The following CCDC91 variants were observed in gnomAD, a reference collection of about 807,000 sequenced individuals.
CCDC91 encodes coiled-coil domain containing 91, also known as coiled-coil domain-containing protein 91.
Under a neutral mutation model 63.2 loss-of-function variants are expected in CCDC91, and 48 were observed. The ratio of observed to expected loss-of-function variants is 0.76; its 90% confidence interval spans 0.60 to 0.97. The LOEUF is 0.97. Among genes scored for constraint, CCDC91 ranks in the 50% least tolerant of loss-of-function variants. The pLI is 0.00. For synonymous variants in CCDC91, 167 were observed against 165.8 expected, an observed-to-expected ratio of 1.01 and a Z score of -0.06; for missense variants, 500 against 494.6, an observed-to-expected ratio of 1.01 and a Z score of -0.10.
intron 3 of CCDC91, among the ~76,000 whole-genome samples, chr12:28,301,729 A>G (rs1211096278): frequency 3.3e-5 from 5 of 151,698 alleles, no homozygotes; most frequent in Admixed American, 1.3e-4. Flanking sequence ...TTTTTTTCAC[A>G]GAAAATTTAT....
At chr12:28,534,881 G>A (rs1942028135) in intron 12 of CCDC91, among the ~76,000 whole-genome samples, 1 of 152,134 alleles carries the variant, frequency 6.6e-6, no homozygotes, top group South Asian at 2.1e-4. Context: ...ACCCAGGCAA[G>A]GTTAGACACT....
At chr12:28,335,309 A>G (rs1172866555) in intron 6 of CCDC91, among the ~76,000 whole-genome samples, 1 of 139,654 alleles carries the variant, frequency 7.2e-6, no homozygotes, top group East Asian at 2.0e-4. Flanking sequence ...TATATAATAC[A>G]TATTATGTAT....
chr12:28,258,696 G>A (rs1321572038), intron 2 of CCDC91, among the ~76,000 whole-genome samples: 4 of 151,922 alleles, frequency 2.6e-5, no homozygotes, highest in African/African-American at 9.7e-5. Context: ...TCCTTAAGGG[G>A]TTGGCAACTC....
intron 1 of CCDC91, among the ~76,000 whole-genome samples, chr12:28,200,268 CTA>C (rs1057347300): frequency 8.2e-5 from 12 of 146,676 alleles, no homozygotes; most frequent in African/African-American, 2.8e-4. Context: ...GGTAGCTTTT[CTA>C]TGTTTCTTTT....
chr12:28,544,305 C>T (rs1375552583), intron 12 of CCDC91, among the ~76,000 whole-genome samples: 1 of 151,742 alleles, frequency 6.6e-6, no homozygotes, highest in Non-Finnish European at 1.5e-5. Flanking sequence ...TTCCAGCTAC[C>T]TTGAGAATTT....
intron 7 of CCDC91, among the ~76,000 whole-genome samples, chr12:28,383,851 A>T (rs536671788): frequency 6.6e-6 from 1 of 152,278 alleles, no homozygotes; most frequent in South Asian, 2.1e-4. Flanking sequence ...CATGTACCTC[A>T]GAGATTATTG....
At chr12:28,460,821 A>ATT (rs1003262603) in intron 11 of CCDC91, among the ~76,000 whole-genome samples, 1 of 151,770 alleles carries the variant, frequency 6.6e-6, no homozygotes, top group African/African-American at 2.4e-5. Context: ...GTATATATAT[A>ATT]TTTTTTAACT....
chr12:28,197,511 AC>A (rs1941871264), intron 1 of CCDC91, among the ~76,000 whole-genome samples: 1 of 152,086 alleles, frequency 6.6e-6, no homozygotes, highest in African/African-American at 2.4e-5. Flanking sequence ...TTTGGTAGTA[AC>A]ATTTTTTTCC....
Position 28,407,966 on chromosome 12 carries a change from T to A in CCDC91, c.762+16555T>A, listed in dbSNP as rs979710131. On this transcript the variant is annotated intron_variant, in intron 8 of 12. Transcript: ENST00000536442. The stretch of plus-strand genomic sequence containing the variant: ...TAGATATATACATATATATATATAT[T>A]TTTTTTATTTTTTATTTTACTTTAA... Among the ~76,000 whole-genome samples, 212 of 145,528 alleles carry A rather than the reference T, an allele frequency of 1.5e-3. 3 individuals carry two copies. The highest frequency in any genetic ancestry group is 4.1e-3 in the Middle Eastern group (1 of 242).
chr12:28,354,627 A>G (rs1345343710), intron 6 of CCDC91, among the ~76,000 whole-genome samples: 1 of 152,192 alleles, frequency 6.6e-6, no homozygotes, highest in Non-Finnish European at 1.5e-5. Flanking sequence ...AGAGCATTAA[A>G]AAGTGATTTT....
At chr12:28,323,949 A>G (rs1327859070) in intron 6 of CCDC91, among the ~76,000 whole-genome samples, 3 of 151,930 alleles carry the variant, frequency 2.0e-5, no homozygotes, top group Admixed American at 6.6e-5. Context: ...AAATTTTGTT[A>G]GAAACTGTCA....
At chr12:28,484,305 A>G (rs764603543) in intron 12 of CCDC91, 140 bp downstream of exon 12, 10 of 460,338 alleles carry the variant, frequency 2.2e-5, no homozygotes, top group Admixed American at 7.7e-5. Flanking sequence ...ATATTTTCTG[A>G]TATAATTATG....
At chr12:28,362,412 TG>T in intron 6 of CCDC91, 25 bp from the exon 7 acceptor site, 1 of 1,486,584 alleles carries the variant, frequency 6.7e-7, no homozygotes, top group South Asian at 1.3e-5. Flanking sequence ...GAAAAACTCA[TG>T]GTTTTAGTTT....
At chr12:28,205,967 ATTTGGTCTT>A (rs1023460803) in intron 1 of CCDC91, among the ~76,000 whole-genome samples, 19 of 152,306 alleles carry the variant, frequency 1.2e-4, no homozygotes, top group African/African-American at 4.6e-4. Flanking sequence ...AAATGTACTT[ATTTGGTCTT>A]GAAACCCACC....
intron 8 of CCDC91, among the ~76,000 whole-genome samples, chr12:28,438,687 T>C (rs1402496749): frequency 6.6e-6 from 1 of 152,126 alleles, no homozygotes; most frequent in Non-Finnish European, 1.5e-5. Flanking sequence ...AACTTTCTGA[T>C]GTGAGAAAGC....
chr12:28,524,592 T>C (rs1565521514), intron 12 of CCDC91, among the ~76,000 whole-genome samples: 1 of 152,148 alleles, frequency 6.6e-6, no homozygotes, highest in South Asian at 2.1e-4. Flanking sequence ...CTGATTTAGA[T>C]ATTAGGGTGA....
At chr12:28,199,813 T>C (rs1942070650) in intron 1 of CCDC91, among the ~76,000 whole-genome samples, 1 of 152,220 alleles carries the variant, frequency 6.6e-6, no homozygotes, top group Admixed American at 6.5e-5. Flanking sequence ...AGATAGGAAA[T>C]CTTTTTGACG....
intron 7 of CCDC91, among the ~76,000 whole-genome samples, chr12:28,379,834 A>G (rs957951965): frequency 9.2e-5 from 14 of 152,196 alleles, no homozygotes; most frequent in African/African-American, 2.7e-4. Flanking sequence ...AAATCATTCT[A>G]CTATAAGAAC....
chr12:28,281,153 T>A lies in CCDC91; in HGVS notation c.109+21711T>A, dbSNP rs138195053. Among the ~76,000 whole-genome samples, 6 of 152,322 alleles carry A rather than the reference T, an allele frequency of 3.9e-5. No individual in the cohort carries two copies. In the South Asian group the frequency reaches 6.2e-4, roughly 16 times the overall value. On this transcript the variant is annotated intron_variant, in intron 3 of 12. Transcript: ENST00000536442. ...TGGTCTTAATGCTATTTAGTCTTAA[T>A]AAATTTGGAAGTTTTTATTCATTAA...
Sources: allele counts gnomAD v4.1 joint callset (sites outside exome capture counted in the v4.1 genomes callset), GRCh38; gene constraint gnomAD v4.1.1; transcripts MANE v1.5; gene names NCBI Gene and HGNC (gene_info 2026-07-23, HGNC 2026-07-21).